Variants in FNDC1 observed in about 807,000 individuals in gnomAD.
FNDC1 encodes fibronectin type III domain-containing protein 1.
Under a neutral mutation model 168.0 loss-of-function variants are expected in FNDC1, and 96 were observed. That is an observed-to-expected ratio of 0.57 (90% CI 0.48 to 0.68). FNDC1 has a LOEUF of 0.68. Among genes scored for constraint, FNDC1 ranks in the 30% least tolerant of loss-of-function variants. The probability of loss-of-function intolerance (pLI) is 0.00; values close to 1 mark genes in which losing one functional copy is unlikely to be tolerated. For synonymous variants in FNDC1, 1,099 were observed against 1,025.9 expected (o/e 1.07, Z -1.36); for missense variants, 2,587 against 2,482.1 (o/e 1.04, Z -0.90).
intron 1 of FNDC1, among the ~76,000 whole-genome samples, chr6:159,176,225 C>G (rs898274268): frequency 6.6e-6 from 1 of 152,110 alleles, no homozygotes; most frequent in Non-Finnish European, 1.5e-5. Flanking sequence ...TTGTGAAGGG[C>G]CCCCCAGCTC....
At chr6:159,177,901 G>A (rs901127925) in intron 1 of FNDC1, among the ~76,000 whole-genome samples, 1 of 152,024 alleles carries the variant, frequency 6.6e-6, no homozygotes, top group Non-Finnish European at 1.5e-5. Context: ...TCGGTGGTTT[G>A]GACTTCACCC....
intron 5 of FNDC1, among the ~76,000 whole-genome samples, chr6:159,219,046 C>CTTTTTTTT (rs11435161): frequency 6.8e-6 from 1 of 146,724 alleles, no homozygotes; most frequent in Non-Finnish European, 1.5e-5. Context: ...AGTTTCCCCT[C>CTTTTTTTT]TTTTTTTTTT....
At chr6:159,217,518 CAT>C (rs2114970952) in intron 5 of FNDC1, among the ~76,000 whole-genome samples, 1 of 152,256 alleles carries the variant, frequency 6.6e-6, no homozygotes, top group African/African-American at 2.4e-5. Flanking sequence ...CTGGTGGAGA[CAT>C]TGGGTGGATG....
chr6:159,227,194 T>A (rs1253379621), intron 9 of FNDC1, among the ~76,000 whole-genome samples: 1 of 152,132 alleles, frequency 6.6e-6, no homozygotes, highest in East Asian at 1.9e-4. Flanking sequence ...AACATGAAAA[T>A]CTTTTATTTT....
At chr6:159,230,548 G>T (rs1426887156) in intron 10 of FNDC1, among the ~76,000 whole-genome samples, 1 of 152,114 alleles carries the variant, frequency 6.6e-6, no homozygotes, top group Non-Finnish European at 1.5e-5. Flanking sequence ...TTAAAAATAA[G>T]ATAAAAGTAA....
chr6:159,233,759 A>G lies in FNDC1; in HGVS notation c.3247A>G (p.Ser1083Gly). 1 of 1,546,782 alleles carries G rather than the reference A, an allele frequency of 6.5e-7. No individual in the cohort carries two copies. Among genetic ancestry groups the G allele is most frequent in the South Asian group, 1.2e-5 (1 of 83,696 alleles). Residue 1083 changes from serine (S) to glycine (G), a missense_variant, in exon 11 of 23, where the codon AGC becomes GGC. Physicochemically the swap from Ser to Gly is moderately conservative, Grantham distance 56. Transcript: ENST00000297267. This position sits in a 1 kb window ranked among gnomAD's most constrained non-coding sequence, Gnocchi z 4.6. ...TGCCCAGGGCAGCTACGACGACGAC[A>G]GCACAGAAGTCGAGGCCCAGGATGT... ...EDAQGSYDDD[S>G]TEVEAQDVRA...
Position 159,249,158 on chromosome 6 carries a change from C to T in FNDC1, c.4810C>T (p.Leu1604=). 3 of 1,611,546 alleles carry T rather than the reference C, an allele frequency of 1.9e-6. No individual in the cohort carries two copies. The highest frequency in any genetic ancestry group is 2.5e-6 in the Non-Finnish European group (3 of 1,178,868). The stretch of plus-strand genomic sequence containing the variant: ...TTCCTTTCCTGAAGAAGAATTTGAT[C>T]TGGCTGGAAGGAAACGATTTGTTGG... ...ISSFPEEEFD[L]AGRKRFVAPY... Residue 1604 remains leucine (L), a synonymous_variant, in exon 16 of 23, where the codon CTG becomes TTG. Transcript: ENST00000297267.
chr6:159,180,441 C>A (rs563224255), intron 1 of FNDC1, among the ~76,000 whole-genome samples: 1 of 151,998 alleles, frequency 6.6e-6, no homozygotes, highest in Non-Finnish European at 1.5e-5. Context: ...GTGTGCTTAC[C>A]AACATGATTC....
intron 5 of FNDC1, among the ~76,000 whole-genome samples, chr6:159,216,149 A>G (rs1782705144): frequency 6.6e-6 from 1 of 152,270 alleles, no homozygotes; most frequent in African/African-American, 2.4e-5. Flanking sequence ...TTTAGTAGAC[A>G]CGGGGTTTCA....
At chr6:159,218,852 A>G (rs371417) in intron 5 of FNDC1, among the ~76,000 whole-genome samples, 73,169 of 151,688 alleles carry the variant, frequency 0.48, 19,862 homozygotes, top group African/African-American at 0.73. Flanking sequence ...GCTGCAGGAC[A>G]GGGAGCTGAG....
At position 159,197,395 on chromosome 6, in the gene FNDC1, T is replaced by C. The variant is rs774129961; in HGVS notation, c.110-36T>C. The C allele has an allele frequency of 7.7e-6, 12 of 1,556,592 alleles. No homozygotes were observed. In the Admixed American group the frequency reaches 2.4e-4, roughly 32 times the overall value. ...AAAAAAATTCGTTTTCCCAATCTGT[T>C]ATTGCCATGAGTTGATAGTTGCGCT... On this transcript the variant is annotated intron_variant, in intron 1 of 22. Coordinates refer to ENST00000297267, the MANE Select transcript of FNDC1 (RefSeq NM_032532.3).
chr6:159,256,458 G>A, intron 17 of FNDC1, 65 bp from the exon 18 acceptor site: 2 of 1,199,524 alleles, frequency 1.7e-6, no homozygotes, highest in East Asian at 4.6e-5. Context: ...GTCCTCAGTG[G>A]GTTACATCTT....
intron 18 of FNDC1, among the ~76,000 whole-genome samples, chr6:159,260,746 T>C (rs1777463876): frequency 6.6e-6 from 1 of 152,234 alleles, no homozygotes; most frequent in African/African-American, 2.4e-5. Flanking sequence ...AGGTTATAAT[T>C]TGAATTCTGC....
Position 159,200,002 on chromosome 6 carries a change from G to T in FNDC1, c.311G>T (p.Gly104Val), listed in dbSNP as rs373268720. ...YSFLIEDVEPGVVYFVLLTAE... is the reference protein window; with the variant it reads ...YSFLIEDVEPVVVYFVLLTAE... The stretch of plus-strand genomic sequence containing the variant: ...TATGAACCGTATGTTTCAGAGCCGG[G>T]GGTAGTGTACTTTGTGCTGCTTACT... Residue 104 changes from glycine to valine, a missense_variant, in exon 3 of 23, where the codon GGG becomes GTG. Gly to Val is a moderately radical substitution (Grantham distance 109). Coordinates refer to ENST00000297267, the MANE Select transcript of FNDC1 (RefSeq NM_032532.3). 18 of 1,604,168 alleles carry T rather than the reference G, an allele frequency of 1.1e-5. No homozygotes were observed. The African/African-American group carries it at 2.1e-4, about 19-fold the overall frequency.
intron 1 of FNDC1, among the ~76,000 whole-genome samples, chr6:159,185,068 G>A (rs1409539180): frequency 2.7e-5 from 1 of 37,226 alleles, no homozygotes; most frequent in South Asian, 1.1e-3. Context: ...TATGGAGGGT[G>A]GGGGGGGGGG....
chr6:159,195,188 A>C (rs1782219488), intron 1 of FNDC1, among the ~76,000 whole-genome samples: 1 of 152,166 alleles, frequency 6.6e-6, no homozygotes, highest in African/African-American at 2.4e-5. Context: ...AAGAACCTTC[A>C]TTAGGTAACT....
intron 18 of FNDC1, among the ~76,000 whole-genome samples, chr6:159,258,188 T>A (rs1474844680): frequency 6.6e-6 from 1 of 152,156 alleles, no homozygotes; most frequent in African/African-American, 2.4e-5. Context: ...CAGTCAGTCC[T>A]TACTACACAC....
chr6:159,270,313 T>C (rs1433975657), intron 22 of FNDC1, among the ~76,000 whole-genome samples: 1 of 152,200 alleles, frequency 6.6e-6, no homozygotes, highest in African/African-American at 2.4e-5. Flanking sequence ...TAAATGGTAA[T>C]CTCATCTAAG....
intron 1 of FNDC1, among the ~76,000 whole-genome samples, chr6:159,192,328 T>C (rs1411466871): frequency 6.6e-6 from 1 of 152,242 alleles, no homozygotes; most frequent in African/African-American, 2.4e-5. Flanking sequence ...ACACTTTTAA[T>C]CCAGAAAGAT....
Sources: allele counts gnomAD v4.1 joint callset (sites outside exome capture counted in the v4.1 genomes callset), GRCh38; gene constraint gnomAD v4.1.1; non-coding constraint Gnocchi (gnomAD v3.1); transcripts MANE v1.5; gene names NCBI Gene and HGNC (gene_info 2026-07-23, HGNC 2026-07-21).